The following PDGFRL variants were observed in gnomAD, a reference collection of about 807,000 sequenced individuals.
The protein encoded by PDGFRL is platelet-derived growth factor receptor-like protein.
Under a neutral mutation model 37.2 loss-of-function variants are expected in PDGFRL, and 46 were observed. The ratio of observed to expected loss-of-function variants is 1.24; its 90% CI spans 0.98 to 1.58. The LOEUF is 1.58. PDGFRL is among the 40% of genes most tolerant of loss of function. The probability of loss-of-function intolerance (pLI) is 0.00; values close to 1 mark genes in which losing one functional copy is unlikely to be tolerated. For synonymous variants in PDGFRL, 251 were observed against 184.3 expected, an observed-to-expected ratio of 1.36 and a Z score of -2.93; for missense variants, 692 against 467.6, an observed-to-expected ratio of 1.48 and a Z score of -4.43.
intron 1 of PDGFRL, among the ~76,000 whole-genome samples, chr8:17,584,260 T>C (rs1386937687): frequency 2.0e-5 from 3 of 152,174 alleles, no homozygotes; most frequent in Admixed American, 6.5e-5. Context: ...AAGGAGCATG[T>C]CTGAAGGGGC....
intron 1 of PDGFRL, among the ~76,000 whole-genome samples, chr8:17,585,516 G>A (rs1277100124): frequency 6.6e-6 from 1 of 152,152 alleles, no homozygotes; most frequent in Non-Finnish European, 1.5e-5. Flanking sequence ...GGAAAAGTGT[G>A]TGTGTTCCTG....
rs1336100298 is a variant in PDGFRL, at chr8:17,642,823, A to T, written c.*22A>T. ...CTGACTTGGAAAAGGAAATGTAATG[A>T]ACTTATGGAAAGCCCATTTGTGTAC... is the stretch of plus-strand genomic sequence containing the variant. On this transcript the variant is annotated 3_prime_UTR_variant, in exon 6 of 6. Transcript: ENST00000251630. 4 of 1,499,696 alleles carry T rather than the reference A, an allele frequency of 2.7e-6. No individual in the cohort carries two copies. The South Asian group carries it at 4.6e-5, about 17-fold the overall frequency. The allele number at this position is 1,499,696 out of a possible 1,614,324, so 92.9% of individuals were successfully genotyped here. A position where few individuals can be genotyped will look rare whatever the true frequency, so the allele number is the denominator to read the frequency against.
At chr8:17,595,359 A>C (rs1411438828) in intron 2 of PDGFRL, among the ~76,000 whole-genome samples, 1 of 152,042 alleles carries the variant, frequency 6.6e-6, no homozygotes, top group African/African-American at 2.4e-5. Flanking sequence ...GGGCAGGCCC[A>C]GCTCATATCC....
chr8:17,605,174 A>G (rs1445170130), intron 2 of PDGFRL, among the ~76,000 whole-genome samples: 2 of 152,032 alleles, frequency 1.3e-5, no homozygotes, highest in Admixed American at 6.6e-5. Context: ...GGAGGGAGAG[A>G]GACTGAAAGA....
intron 2 of PDGFRL, among the ~76,000 whole-genome samples, chr8:17,605,756 A>T (rs1244707994): frequency 6.6e-6 from 1 of 152,200 alleles, no homozygotes; most frequent in East Asian, 1.9e-4. Flanking sequence ...GAGTCCAGGC[A>T]TTGTCTTTCA....
chr8:17,603,391 C>A (rs13249805), intron 2 of PDGFRL, among the ~76,000 whole-genome samples: 15,679 of 152,188 alleles, frequency 0.1, 863 homozygotes, highest in Non-Finnish European at 0.13. Context: ...CTTTCAGGAG[C>A]AGTGGCCCCC....
At chr8:17,630,370 C>T (rs916431151) in intron 4 of PDGFRL, among the ~76,000 whole-genome samples, 5 of 152,054 alleles carry the variant, frequency 3.3e-5, no homozygotes, top group African/African-American at 1.2e-4. Flanking sequence ...TACTTTTTTC[C>T]CTGGTAACTG....
Position 17,598,437 on chromosome 8 carries a change from A to T in PDGFRL, c.353+8672A>T, listed in dbSNP as rs556949737. Among the ~76,000 whole-genome samples, 3 of 152,316 alleles carry T rather than the reference A, an allele frequency of 2.0e-5. No individual in the cohort carries two copies. The South Asian group carries it at 6.2e-4, about 32-fold the overall frequency. Reference sequence around the variant, plus strand: ...TATCATCAGATTCCTAGCACCTAGAACAATGTCTGACACATACCAGAGCTC... The same window carrying T: ...TATCATCAGATTCCTAGCACCTAGATCAATGTCTGACACATACCAGAGCTC... On this transcript the variant is annotated intron_variant, in intron 2 of 5. Transcript: ENST00000251630.
At chr8:17,641,896 T>TCCCCGCCCCCCCCCCCCCCCCCCCCCACC (rs67098871) in intron 5 of PDGFRL, among the ~76,000 whole-genome samples, 13 of 103,882 alleles carry the variant, frequency 1.3e-4, no homozygotes, top group Admixed American at 3.1e-4. Flanking sequence ...TCAATAGAGG[T>TCCCCGCCCCCCCCCCCCCCCCCCCCCACC]CCCCGCCACA....
intron 3 of PDGFRL, among the ~76,000 whole-genome samples, chr8:17,627,606 A>C (rs1241301636): frequency 2.0e-5 from 3 of 151,388 alleles, no homozygotes; most frequent in Non-Finnish European, 4.4e-5. Context: ...TGTAGCTGGG[A>C]CTACAGGCGC....
chr8:17,584,056 G>T (rs984310133), intron 1 of PDGFRL, among the ~76,000 whole-genome samples: 2 of 152,202 alleles, frequency 1.3e-5, no homozygotes, highest in African/African-American at 4.8e-5. Flanking sequence ...TGTCTGGATG[G>T]TAAGTGGCTT....
At chr8:17,596,299 G>A (rs558678407) in intron 2 of PDGFRL, 10 of 1,177,964 alleles carry the variant, frequency 8.5e-6, no homozygotes, top group African/African-American at 6.3e-5. Context: ...CAGATCGGCT[G>A]CCAGGCTGCT....
chr8:17,614,719 T>C (rs1804489168), intron 2 of PDGFRL, among the ~76,000 whole-genome samples: 1 of 152,156 alleles, frequency 6.6e-6, no homozygotes, highest in Non-Finnish European at 1.5e-5. Flanking sequence ...GCTGGGACTA[T>C]AGGCTGGCAT....
At chr8:17,624,424 TTA>T (rs1804693229) in intron 3 of PDGFRL, among the ~76,000 whole-genome samples, 1 of 152,216 alleles carries the variant, frequency 6.6e-6, no homozygotes, top group Non-Finnish European at 1.5e-5. Context: ...CTTTCACTTC[TTA>T]TTGTAGTATA....
intron 3 of PDGFRL, among the ~76,000 whole-genome samples, chr8:17,625,806 T>C (rs200804902): frequency 1.3e-5 from 2 of 151,570 alleles, no homozygotes; most frequent in Non-Finnish European, 2.9e-5. Context: ...CTGGGCAACA[T>C]AGTGAGACCC....
intron 2 of PDGFRL, among the ~76,000 whole-genome samples, chr8:17,614,367 C>T (rs552279695): frequency 2.4e-4 from 36 of 152,070 alleles, no homozygotes; most frequent in Non-Finnish European, 4.0e-4. Flanking sequence ...TCATATGGCA[C>T]GTTTCCTGCA....
intron 3 of PDGFRL, among the ~76,000 whole-genome samples, chr8:17,621,562 G>A (rs1490255325): frequency 6.6e-6 from 1 of 152,104 alleles, no homozygotes; most frequent in Non-Finnish European, 1.5e-5. Context: ...CACTAAACAT[G>A]TGTGGCTACT....
intron 2 of PDGFRL, among the ~76,000 whole-genome samples, chr8:17,595,005 A>AT (rs34890258): frequency 0.013 from 1,976 of 150,882 alleles, 38 homozygotes; most frequent in African/African-American, 0.046. Context: ...TACCACGTAC[A>AT]TTTTTTTTTT....
rs758703325 is a variant in PDGFRL at position 17,589,531 on chromosome 8, C to G, written c.119C>G (p.Pro40Arg). ...GAACCAGGAGAGAATAGAATCAAACCTACCAACAAGAAGGTGAAGCCCAAA... is the reference window on the plus strand; with the variant it reads ...GAACCAGGAGAGAATAGAATCAAACGTACCAACAAGAAGGTGAAGCCCAAA... ...PKEPGENRIKPTNKKVKPKIP... is the reference protein window; with the variant it reads ...PKEPGENRIKRTNKKVKPKIP... The change falls in exon 2 of 6, where the codon CCT becomes CGT. Residue 40 changes from proline to arginine, a missense_variant. Pro to Arg is a moderately radical substitution (Grantham distance 103). Transcript: ENST00000251630. The G allele has an allele frequency of 6.2e-7, 1 of 1,613,812 alleles. No homozygotes were observed. Among genetic ancestry groups the G allele is most frequent in the Non-Finnish European group, 8.5e-7 (1 of 1,179,708 alleles).
Sources: allele counts gnomAD v4.1 joint callset (sites outside exome capture counted in the v4.1 genomes callset), GRCh38; gene constraint gnomAD v4.1.1; transcripts MANE v1.5; gene names NCBI Gene and HGNC (gene_info 2026-07-23, HGNC 2026-07-21).